The following MAGI2 variants were observed in gnomAD, a reference collection of about 807,000 sequenced individuals.
The protein encoded by MAGI2 is membrane associated guanylate kinase, WW and PDZ domain containing 2.
A neutral mutation model predicts 133.3 loss-of-function variants in MAGI2; 35 were observed. The observed-to-expected ratio is 0.26, with a 90% confidence interval of 0.20 to 0.35. The LOEUF is 0.35. MAGI2 is among the 10% of genes least tolerant of loss of function. MAGI2 has a pLI of 1.00. For missense variants in MAGI2, 1,636 were observed against 1,863.4 expected (o/e 0.88, Z 2.25); for synonymous variants, 729 against 710.6 (o/e 1.03, Z -0.41).
At chr7:78,383,020 A>G (rs1372316185) in intron 6 of MAGI2, among the ~76,000 whole-genome samples, 1 of 152,150 alleles carries the variant, frequency 6.6e-6, no homozygotes, top group African/African-American at 2.4e-5. Flanking sequence ...GTTAATGAAC[A>G]CTTAGGTTTA....
intron 3 of MAGI2, among the ~76,000 whole-genome samples, chr7:78,595,413 C>T (rs1227116774): frequency 1.3e-5 from 2 of 152,042 alleles, no homozygotes; most frequent in African/African-American, 2.4e-5. Context: ...AAACTAGCTG[C>T]GATTTCTGCT....
chr7:79,110,056 C>A (rs538948596), intron 1 of MAGI2, among the ~76,000 whole-genome samples: 1 of 151,916 alleles, frequency 6.6e-6, no homozygotes, highest in South Asian at 2.1e-4. Flanking sequence ...TCAGAGGGTG[C>A]GAGCCATAAA....
chr7:78,726,579 A>G (rs1019270572), intron 2 of MAGI2, among the ~76,000 whole-genome samples: 4 of 152,318 alleles, frequency 2.6e-5, no homozygotes, highest in African/African-American at 9.6e-5. Context: ...CAAGGTGGGG[A>G]CAAAATTACT....
intron 2 of MAGI2, among the ~76,000 whole-genome samples, chr7:78,697,078 T>C (rs1019834340): frequency 5.9e-5 from 9 of 152,214 alleles, no homozygotes; most frequent in African/African-American, 2.2e-4. Context: ...AACTATAATT[T>C]GCCAATTGGC....
intron 2 of MAGI2, among the ~76,000 whole-genome samples, chr7:78,876,440 T>C (rs1389892552): frequency 1.3e-5 from 2 of 151,704 alleles, no homozygotes; most frequent in Non-Finnish European, 2.9e-5. Flanking sequence ...TGAGAAATAA[T>C]GGTCTAAGCC....
chr7:79,050,367 T>C (rs996757820), intron 1 of MAGI2, among the ~76,000 whole-genome samples: 3 of 152,138 alleles, frequency 2.0e-5, no homozygotes, highest in African/African-American at 7.2e-5. Context: ...ATGGGTCTTA[T>C]CAGTCATAAA....
At chr7:79,104,909 C>A (rs889576986) in intron 1 of MAGI2, among the ~76,000 whole-genome samples, 5 of 152,274 alleles carry the variant, frequency 3.3e-5, no homozygotes, top group Non-Finnish European at 2.9e-5. Flanking sequence ...GCTAAACATA[C>A]AAAGTTTTAT....
At chr7:79,106,730 A>G (rs1235998250) in intron 1 of MAGI2, among the ~76,000 whole-genome samples, 1 of 152,238 alleles carries the variant, frequency 6.6e-6, no homozygotes, top group Non-Finnish European at 1.5e-5. Context: ...AAATAAATAC[A>G]TCCCAAATAA....
intron 10 of MAGI2, among the ~76,000 whole-genome samples, chr7:78,202,359 T>G (rs933539654): frequency 6.6e-6 from 1 of 152,110 alleles, no homozygotes; most frequent in East Asian, 1.9e-4. Context: ...AATGCACTGT[T>G]GTGAATAAGT....
chr7:78,381,877 A>T (rs553081458), intron 6 of MAGI2, among the ~76,000 whole-genome samples: 115 of 152,286 alleles, frequency 7.6e-4, no homozygotes, highest in African/African-American at 2.7e-3. Flanking sequence ...CTAGGAGGAG[A>T]ATTTGGCAGT....
chr7:78,251,087 A>G (rs1315223078), intron 10 of MAGI2, among the ~76,000 whole-genome samples: 2 of 152,188 alleles, frequency 1.3e-5, no homozygotes, highest in East Asian at 3.8e-4. Context: ...TCAATAACTA[A>G]AAATCGTGTT....
At chr7:78,148,082 A>C (rs1231717669) in intron 16 of MAGI2, among the ~76,000 whole-genome samples, 2 of 152,180 alleles carry the variant, frequency 1.3e-5, no homozygotes, top group Non-Finnish European at 2.9e-5. Flanking sequence ...AAAAAGACCT[A>C]TATGAAAACG....
At chr7:78,046,445 A>C (rs77840262) in intron 21 of MAGI2, among the ~76,000 whole-genome samples, 1 of 149,350 alleles carries the variant, frequency 6.7e-6, no homozygotes, top group Admixed American at 6.7e-5. Context: ...CCAGTATCAC[A>C]CCCAGTGAAA....
intron 1 of MAGI2, among the ~76,000 whole-genome samples, chr7:79,318,533 T>C (rs1345690690): frequency 6.6e-6 from 1 of 152,176 alleles, no homozygotes; most frequent in Non-Finnish European, 1.5e-5. Context: ...CTATCAGCAA[T>C]ACTACCATCC....
At chr7:78,249,733 T>C (rs1584559871) in intron 10 of MAGI2, among the ~76,000 whole-genome samples, 1 of 151,942 alleles carries the variant, frequency 6.6e-6, no homozygotes, top group African/African-American at 2.4e-5. Context: ...TAGGGGGAAA[T>C]TGTACAAAGG....
intron 2 of MAGI2, among the ~76,000 whole-genome samples, chr7:78,645,751 T>TC (rs200722166): frequency 6.6e-5 from 10 of 151,358 alleles, no homozygotes; most frequent in Admixed American, 2.0e-4. Flanking sequence ...TTTTTTTTTT[T>TC]TCCCCGAGAC....
At chr7:78,687,993 A>G (rs1305546529) in intron 2 of MAGI2, among the ~76,000 whole-genome samples, 2 of 148,958 alleles carry the variant, frequency 1.3e-5, no homozygotes, top group African/African-American at 4.9e-5. Context: ...AAAAAAAAAA[A>G]AAAAAAAAGA....
intron 1 of MAGI2, among the ~76,000 whole-genome samples, chr7:79,418,223 C>T (rs1846681006): frequency 2.6e-5 from 4 of 151,952 alleles, no homozygotes; most frequent in Admixed American, 2.6e-4. Context: ...AAAGCCTTAG[C>T]AACTTTATGT....
At chr7:79,263,630 G>A (rs998682720) in intron 1 of MAGI2, among the ~76,000 whole-genome samples, 5 of 152,074 alleles carry the variant, frequency 3.3e-5, no homozygotes, top group African/African-American at 1.2e-4. Context: ...AGACTTTTGG[G>A]TGGAATATAA....
Sources: gnomAD v4.1 joint callset for allele counts (sites outside exome capture counted in the v4.1 genomes callset) on GRCh38, gnomAD v4.1.1 for gene constraint, MANE v1.5 for transcripts, NCBI Gene and HGNC (gene_info 2026-07-23, HGNC 2026-07-21) for gene names.